NMNAT2: variants seen among roughly 807,000 people sequenced by gnomAD.
NMNAT2 encodes nicotinamide nucleotide adenylyltransferase 2.
In NMNAT2, 11 loss-of-function variants were observed where a neutral mutation model predicts 41.6. The ratio of observed to expected loss-of-function variants is 0.26; its 90% CI spans 0.17 to 0.44. The LOEUF (loss-of-function observed/expected upper bound fraction) is 0.44. NMNAT2 is among the 20% of genes least tolerant of loss of function. The pLI is 1.00. For missense variants in NMNAT2, 288 were observed against 407.7 expected (o/e 0.71, Z 2.53); for synonymous variants, 148 against 151.2 (o/e 0.98, Z 0.16).
chr1:183,410,140 C>T (rs1193525111), intron 1 of NMNAT2, among the ~76,000 whole-genome samples: 1 of 144,146 alleles, frequency 6.9e-6, no homozygotes, highest in Non-Finnish European at 1.5e-5. Flanking sequence ...GAAATCCTGT[C>T]TCTACAAAAA....
chr1:183,386,739 A>G (rs1028313413), intron 1 of NMNAT2, among the ~76,000 whole-genome samples: 3 of 152,140 alleles, frequency 2.0e-5, no homozygotes, highest in Admixed American at 2.0e-4. Context: ...TTATTTAACA[A>G]TTACAAAAGC....
chr1:183,323,758 A>G (rs1399639198), intron 1 of NMNAT2, among the ~76,000 whole-genome samples: 1 of 151,924 alleles, frequency 6.6e-6, no homozygotes, highest in Admixed American at 6.5e-5. Context: ...CTTGCTTCCT[A>G]TGGCATAGGG....
intron 1 of NMNAT2, among the ~76,000 whole-genome samples, chr1:183,326,571 T>A (rs1662469568): frequency 6.6e-6 from 1 of 151,852 alleles, no homozygotes; most frequent in Admixed American, 6.6e-5. Flanking sequence ...ACAGGGAAAA[T>A]TTGATGTGTT....
At chr1:183,344,082 C>T (rs905956098) in intron 1 of NMNAT2, among the ~76,000 whole-genome samples, 3 of 152,146 alleles carry the variant, frequency 2.0e-5, no homozygotes, top group Admixed American at 6.5e-5. Flanking sequence ...ATCCCTCAAG[C>T]CTTGGGTTAA....
chr1:183,387,238 T>TG (rs1055578216), intron 1 of NMNAT2, among the ~76,000 whole-genome samples: 5 of 107,562 alleles, frequency 4.6e-5, no homozygotes, highest in East Asian at 3.5e-4. Flanking sequence ...AAGATCCCTG[T>TG]GTTTTTTTTT....
intron 1 of NMNAT2, among the ~76,000 whole-genome samples, chr1:183,326,588 C>G (rs1662469710): frequency 6.6e-6 from 1 of 152,038 alleles, no homozygotes; most frequent in Non-Finnish European, 1.5e-5. Context: ...TGTTCTAGAA[C>G]TTGAAGAATC....
At chr1:183,326,126 A>G (rs1178104349) in intron 1 of NMNAT2, among the ~76,000 whole-genome samples, 3 of 152,172 alleles carry the variant, frequency 2.0e-5, no homozygotes, top group Non-Finnish European at 4.4e-5. Context: ...CTGTACTTCC[A>G]ACACTTTGGG....
chr1:183,403,894 A>T (rs902234560), intron 1 of NMNAT2, among the ~76,000 whole-genome samples: 1 of 152,220 alleles, frequency 6.6e-6, no homozygotes, highest in African/African-American at 2.4e-5. Flanking sequence ...GACAGAAGCC[A>T]AGAATTCAAA....
chr1:183,368,784 G>A (rs927301948), intron 1 of NMNAT2, among the ~76,000 whole-genome samples: 1 of 152,194 alleles, frequency 6.6e-6, no homozygotes, highest in Admixed American at 6.5e-5. Flanking sequence ...TTAATTGGAT[G>A]TATTCCCCAG....
chr1:183,289,593 T>C (rs562319687), intron 4 of NMNAT2, among the ~76,000 whole-genome samples: 2 of 152,212 alleles, frequency 1.3e-5, no homozygotes, highest in African/African-American at 4.8e-5. Flanking sequence ...TCAGACACCA[T>C]CTGCCTGTGG....
intron 1 of NMNAT2, among the ~76,000 whole-genome samples, chr1:183,336,023 T>A (rs1038272321): frequency 6.6e-5 from 10 of 152,056 alleles, no homozygotes; most frequent in Admixed American, 1.3e-4. Context: ...ACTAAAAGAG[T>A]CTGAAATTCT....
At chr1:183,259,945 C>A (rs1375378663) in intron 10 of NMNAT2, among the ~76,000 whole-genome samples, 1 of 152,182 alleles carries the variant, frequency 6.6e-6, no homozygotes, top group African/African-American at 2.4e-5. Flanking sequence ...TCGTGGCTTT[C>A]AGTTTTACAC....
chr1:183,304,593 C>T, intron 1 of NMNAT2: 4 of 1,348,050 alleles, frequency 3.0e-6, no homozygotes, highest in Non-Finnish European at 4.2e-6. Context: ...GAGACAGAAT[C>T]CTGTTTTCTT....
At chr1:183,376,629 C>G (rs1257054974) in intron 1 of NMNAT2, among the ~76,000 whole-genome samples, 1 of 152,050 alleles carries the variant, frequency 6.6e-6, no homozygotes, top group African/African-American at 2.4e-5. Context: ...TAACATTGAC[C>G]CTCCCAATTA....
At chr1:183,326,991 C>T (rs555056927) in intron 1 of NMNAT2, among the ~76,000 whole-genome samples, 54 of 151,918 alleles carry the variant, frequency 3.6e-4, no homozygotes, top group South Asian at 2.5e-3. Context: ...TAGCTATCCC[C>T]ATTACCCTTT....
chr1:183,414,748 A>C (rs1282784645), intron 1 of NMNAT2, among the ~76,000 whole-genome samples: 1 of 152,258 alleles, frequency 6.6e-6, no homozygotes, highest in Non-Finnish European at 1.5e-5. Flanking sequence ...AGAAAAGTTC[A>C]TTCTAAAAAT....
rs1167876375 is a variant in NMNAT2, at chr1:183,341,738, A to C, written c.86-47945T>G. Among the ~76,000 whole-genome samples the C allele has an allele frequency of 4.2e-5, 6 of 141,992 alleles. 1 individual carries two copies. In the South Asian group the frequency reaches 6.9e-4, roughly 16 times the overall value. The allele number at this position is 141,992 out of a possible 152,430, so 93.2% of individuals were successfully genotyped here. A position where few individuals can be genotyped will look rare whatever the true frequency, so the allele number is the denominator to read the frequency against. On this transcript the variant is annotated intron_variant, in intron 1 of 10. Coordinates refer to ENST00000287713, the MANE Select transcript of NMNAT2 (RefSeq NM_015039.4). ...ACAAACAAACACCAAAAAAAAAAAA[A>C]AAAAAAAAACCTGTTTCCTTCACTC...
intron 1 of NMNAT2, among the ~76,000 whole-genome samples, chr1:183,372,356 C>T (rs1663567538): frequency 6.6e-6 from 1 of 152,110 alleles, no homozygotes; most frequent in Non-Finnish European, 1.5e-5. Context: ...ATAGACTCCA[C>T]ACCACAGAAA....
intron 1 of NMNAT2, among the ~76,000 whole-genome samples, chr1:183,348,833 T>G (rs1662986928): frequency 1.3e-5 from 2 of 152,252 alleles, no homozygotes; most frequent in Non-Finnish European, 2.9e-5. Context: ...CATTAGCCAG[T>G]GAACATAACT....
Sources: gnomAD v4.1 joint callset for allele counts (sites outside exome capture counted in the v4.1 genomes callset) on GRCh38, gnomAD v4.1.1 for gene constraint, MANE v1.5 for transcripts, NCBI Gene and HGNC (gene_info 2026-07-23, HGNC 2026-07-21) for gene names.